MINDY4: variants seen among roughly 807,000 people sequenced by gnomAD.
The protein encoded by MINDY4 is probable ubiquitin carboxyl-terminal hydrolase MINDY-4.
MINDY4 carries 68 observed loss-of-function variants against 87.0 expected under a neutral mutation model. That is an observed-to-expected ratio of 0.78 (90% confidence interval 0.64 to 0.96). The LOEUF is 0.96. MINDY4 is among the 40% of genes least tolerant of loss of function. The pLI, the probability that MINDY4 is intolerant of heterozygous loss-of-function variation, is 0.00. For synonymous variants in MINDY4, 379 were observed against 363.2 expected (o/e 1.04, Z -0.50); for missense variants, 919 against 928.2 (o/e 0.99, Z 0.13).
At chr7:30,889,819 T>G (rs972163518) in intron 17 of MINDY4, among the ~76,000 whole-genome samples, 3 of 152,166 alleles carry the variant, frequency 2.0e-5, no homozygotes, top group African/African-American at 7.2e-5. Flanking sequence ...AGTGTTATCA[T>G]ATACCTCTTG....
intron 17 of MINDY4, among the ~76,000 whole-genome samples, chr7:30,891,526 C>A (rs963969787): frequency 2.0e-5 from 3 of 152,224 alleles, no homozygotes; most frequent in Admixed American, 2.0e-4. Context: ...CTTCCCGGCC[C>A]CTCCCCACCC....
At position 30,778,512 on chromosome 7, in the gene MINDY4, A is replaced by C. The variant is rs200053449; in HGVS notation, c.144A>C (p.Arg48=). ...GCATAAACAACAGAAATGATCTTCG[A>C]AAGGTTTTGCATCTTGAATTTCTCT... The part of the protein sequence containing the change: ...DLSINNRNDL[R]KVLHLEFLYK... The change falls in exon 2 of 18, where the codon CGA becomes CGC. Residue 48 remains arginine (R), a synonymous_variant. Transcript: ENST00000265299. 1.9e-6 allele frequency: 3 copies of C among 1,614,112 alleles called. No individual in the cohort carries two copies. The highest frequency in any genetic ancestry group is 1.7e-6 in the Non-Finnish European group (2 of 1,180,036).
chr7:30,792,637 T>C (rs1238268893), intron 5 of MINDY4, among the ~76,000 whole-genome samples: 1 of 152,228 alleles, frequency 6.6e-6, no homozygotes, highest in Non-Finnish European at 1.5e-5. Context: ...TTAAATTTAT[T>C]GGTATAAAAT....
chr7:30,807,127 A>G (rs1225738546), intron 5 of MINDY4, among the ~76,000 whole-genome samples: 1 of 152,228 alleles, frequency 6.6e-6, no homozygotes, highest in East Asian at 1.9e-4. Flanking sequence ...ACCGAGACCA[A>G]GTATTTTGCC....
At chr7:30,803,603 A>AG (rs1339931021) in intron 5 of MINDY4, among the ~76,000 whole-genome samples, 3 of 152,050 alleles carry the variant, frequency 2.0e-5, no homozygotes, top group Non-Finnish European at 2.9e-5. Flanking sequence ...TTTGTGTGGC[A>AG]GGGGGCAGTC....
chr7:30,845,141 C>G (rs1176047830), intron 9 of MINDY4, among the ~76,000 whole-genome samples: 15 of 152,154 alleles, frequency 9.9e-5, no homozygotes. Context: ...GCTGAGGGCT[C>G]TGAGTTTTAG....
intron 17 of MINDY4, among the ~76,000 whole-genome samples, chr7:30,887,305 C>T (rs1467035519): frequency 6.6e-6 from 1 of 152,230 alleles, no homozygotes; most frequent in African/African-American, 2.4e-5. Flanking sequence ...CACACCTGCC[C>T]TGTGCTGGCT....
intron 6 of MINDY4, among the ~76,000 whole-genome samples, chr7:30,834,298 C>G (rs2128564794): frequency 6.6e-6 from 1 of 152,356 alleles, no homozygotes. Flanking sequence ...TTCTGTGCAC[C>G]TGCAGGCTCA....
At chr7:30,842,407 G>T (rs1259924270) in intron 9 of MINDY4, among the ~76,000 whole-genome samples, 1 of 152,188 alleles carries the variant, frequency 6.6e-6, no homozygotes, top group Admixed American at 6.5e-5. Context: ...AGTCCTGTAT[G>T]CTCAGGAATG....
chr7:30,872,971 G>A (rs1240755087), intron 14 of MINDY4, among the ~76,000 whole-genome samples: 1 of 152,232 alleles, frequency 6.6e-6, no homozygotes, highest in African/African-American at 2.4e-5. Flanking sequence ...GTGAAATCTG[G>A]CTCTCAGCAC....
chr7:30,814,287 C>T (rs764432387), intron 5 of MINDY4, among the ~76,000 whole-genome samples: 16 of 152,022 alleles, frequency 1.1e-4, no homozygotes, highest in African/African-American at 1.7e-4. Context: ...AAATGCTATT[C>T]GGGTTATTAT....
intron 5 of MINDY4, chr7:30,803,255 G>C (rs1051579295): frequency 2.0e-5 from 3 of 152,236 alleles, no homozygotes; most frequent in Non-Finnish European, 2.9e-5. Flanking sequence ...AGCTGCCTGA[G>C]TATAGGGGTG....
rs1259054148 is a variant in MINDY4 at position 30,801,318 on chromosome 7, C to CAA, written c.1073+9747_1073+9748dup. Among the ~76,000 whole-genome samples, 6 of 152,282 alleles carry CAA rather than the reference C, an allele frequency of 3.9e-5. No individual in the cohort carries two copies. The East Asian group carries it at 1.2e-3, about 29-fold the overall frequency. On this transcript the variant is annotated intron_variant, in intron 5 of 17. Transcript: ENST00000265299. Reference sequence around the variant, plus strand: ...GACTTCACATCAGACTATTAAGGTTCAAAATCTGACTCTTGAGACACACAA... The same window carrying CAA: ...GACTTCACATCAGACTATTAAGGTTCAAAAAATCTGACTCTTGAGACACACAA...
At chr7:30,854,592 G>A (rs1434360393) in intron 12 of MINDY4, among the ~76,000 whole-genome samples, 1 of 152,168 alleles carries the variant, frequency 6.6e-6, no homozygotes, top group Admixed American at 6.5e-5. Context: ...TTGACCTTCT[G>A]GATGTGGGAT....
intron 13 of MINDY4, among the ~76,000 whole-genome samples, chr7:30,870,399 C>T (rs1351171507): frequency 7.2e-5 from 11 of 152,204 alleles, no homozygotes; most frequent in African/African-American, 2.2e-4. Flanking sequence ...CCTGAGCTAG[C>T]GCCAGCGAAG....
chr7:30,790,960 CGG>C (rs1164122708), intron 4 of MINDY4, among the ~76,000 whole-genome samples: 4 of 152,098 alleles, frequency 2.6e-5, no homozygotes, highest in Non-Finnish European at 5.9e-5. Context: ...TTCCAGCAGG[CGG>C]GGTGTGCATC....
chr7:30,885,596 A>G (rs1039265480), intron 17 of MINDY4, among the ~76,000 whole-genome samples: 2 of 152,156 alleles, frequency 1.3e-5, no homozygotes, highest in African/African-American at 4.8e-5. Context: ...CTTTTTATTC[A>G]GTAGGTCCAG....
intron 11 of MINDY4, among the ~76,000 whole-genome samples, chr7:30,853,002 T>A (rs1789460235): frequency 6.6e-6 from 1 of 152,214 alleles, no homozygotes; most frequent in Non-Finnish European, 1.5e-5. Flanking sequence ...CACAGCCTGT[T>A]GGCTTCCACC....
chr7:30,774,351 C>G (rs1786739721), intron 1 of MINDY4, among the ~76,000 whole-genome samples: 1 of 152,190 alleles, frequency 6.6e-6, no homozygotes, highest in Non-Finnish European at 1.5e-5. Flanking sequence ...GTTAGGCCCA[C>G]CCCTCCATGT....
Sources: gnomAD v4.1 joint callset for allele counts (sites outside exome capture counted in the v4.1 genomes callset) on GRCh38, gnomAD v4.1.1 for gene constraint, MANE v1.5 for transcripts, NCBI Gene and HGNC (gene_info 2026-07-23, HGNC 2026-07-21) for gene names.